Variants in NID2 observed in about 807,000 individuals in gnomAD.
NID2 encodes the protein nidogen-2.
A neutral mutation model predicts 145.4 loss-of-function variants in NID2; 83 were observed. The ratio of observed to expected loss-of-function variants is 0.57; its 90% CI spans 0.48 to 0.69. The LOEUF (loss-of-function observed/expected upper bound fraction) is 0.69. Among genes scored for constraint, NID2 ranks in the 30% least tolerant of loss-of-function variants. NID2 has a pLI of 0.00. For missense variants in NID2, 1,807 were observed against 1,765.7 expected, an observed-to-expected ratio of 1.02 and a Z score of -0.42; for synonymous variants, 739 against 701.3, an observed-to-expected ratio of 1.05 and a Z score of -0.85.
rs1051359809 is a variant in NID2 at position 52,068,658 on chromosome 14, G to A, written c.228+109C>T. The A allele has an allele frequency of 1.1e-4, 104 of 961,584 alleles. No homozygotes were observed. The African/African-American group carries it at 1.6e-3, about 15-fold the overall frequency. 59.6% of individuals were successfully genotyped at this position (961,584 alleles called of 1,614,324 possible). On this transcript the variant is annotated intron_variant, in intron 1 of 21. Transcript: ENST00000216286. ...CCGGGTACCACCGCAAGGGTGCTGG[G>A]GGGCTCCAGGAGTGGGGTCTGTTTC...
chr14:52,053,779 G>T lies in NID2; in HGVS notation c.1229C>A (p.Thr410Asn). 1 of 1,614,204 alleles carries T rather than the reference G, an allele frequency of 6.2e-7. No homozygotes were observed. The highest frequency in any genetic ancestry group is 8.5e-7 in the Non-Finnish European group (1 of 1,180,036). Reference protein sequence around the residue: ...DRDSLAPSWETPPPYPENGSI... With the variant: ...DRDSLAPSWENPPPYPENGSI... ...TCCGTTTTCGGGGTACGGTGGTGGG[G>T]TTTCCCAGGAAGGAGCCAGTGAATC... The change falls in exon 5 of 22, where the codon ACC becomes AAC. Residue 410 changes from threonine to asparagine, a missense_variant. Coordinates refer to ENST00000216286, the MANE Select transcript of NID2 (RefSeq NM_007361.4).
intron 17 of NID2, 82 bp from the exon 18 acceptor site, chr14:52,011,129 AG>A (rs892557440): frequency 6.5e-5 from 91 of 1,399,714 alleles, no homozygotes; most frequent in African/African-American, 4.1e-4. Context: ...TCGGGTGGGC[AG>A]GGGGGTCAGC....
chr14:52,018,663 G>A (rs1473249081), intron 14 of NID2, among the ~76,000 whole-genome samples: 1 of 152,248 alleles, frequency 6.6e-6, no homozygotes, highest in East Asian at 1.9e-4. Flanking sequence ...AGAAGGCAGA[G>A]GTAAGTGAGA....
chr14:52,030,644 AAAAGAGAAAG>A (rs1891823889), intron 9 of NID2, among the ~76,000 whole-genome samples: 1 of 142,536 alleles, frequency 7.0e-6, no homozygotes. Flanking sequence ...AAGAGAAAGA[AAAAGAGAAAG>A]AAAGAAAGAA....
chr14:52,011,517 T>G (rs200662256), intron 17 of NID2, 37 bp downstream of exon 17: 1 of 1,612,400 alleles, frequency 6.2e-7, no homozygotes, highest in Non-Finnish European at 8.5e-7. Flanking sequence ...CTTTGTAGAA[T>G]CAAATGAAAT....
intron 20 of NID2, 93 bp from the exon 21 acceptor site, chr14:52,005,942 A>C: frequency 1.1e-6 from 1 of 901,946 alleles, no homozygotes; most frequent in Non-Finnish European, 1.8e-6. Context: ...ATAGAGGAAA[A>C]TTTCTGGCAG....
chr14:52,067,888 C>T lies in NID2; in HGVS notation c.504G>A (p.Glu168=). Residue 168 remains glutamate (E), a synonymous_variant, in exon 2 of 22, where the codon GAG becomes GAA. Transcript: ENST00000216286. ...ATWEQVGAYE[E]VKRGALPSGE... is the part of the protein sequence containing the mutation. ...CCGAGGGCAGCGCCCCGCGCTTGAC[C>T]TCCTCGTAAGCGCCTACCTGCTCCC... The T allele has an allele frequency of 6.2e-7, 1 of 1,612,662 alleles. No homozygotes were observed. Among genetic ancestry groups the T allele is most frequent in the Non-Finnish European group, 8.5e-7 (1 of 1,179,962 alleles).
intron 9 of NID2, among the ~76,000 whole-genome samples, chr14:52,035,856 GTATATATA>G (rs60735637): frequency 3.4e-4 from 22 of 65,284 alleles, no homozygotes; most frequent in Non-Finnish European, 5.2e-4. Flanking sequence ...ATTTTTTTGT[GTATATATA>G]TATATATATA....
chr14:52,011,691 C>T lies in NID2; in HGVS notation c.3421-8G>A. 2 of 1,614,020 alleles carry T rather than the reference C, an allele frequency of 1.2e-6. No homozygotes were observed. The highest frequency in any genetic ancestry group is 1.7e-6 in the Non-Finnish European group (2 of 1,179,972). On this transcript the variant is annotated splice_polypyrimidine_tract_variant and splice_region_variant and intron_variant, in intron 16 of 21. Transcript: ENST00000216286. The stretch of plus-strand genomic sequence containing the variant: ...TCCCACGATTATGGAGCCCTTTGTG[C>T]ATCAAATCATAGAATTAGAAGAATT...
intron 9 of NID2, among the ~76,000 whole-genome samples, chr14:52,038,226 G>A (rs1892144282): frequency 6.6e-6 from 1 of 152,188 alleles, no homozygotes; most frequent in African/African-American, 2.4e-5. Flanking sequence ...AATGTTCTGG[G>A]AATCATGGAG....
rs1210688555 is a variant in NID2, at chr14:52,015,094, C to T, written c.3210G>A (p.Glu1070=). ...CTGGCTGGGAGCGGGTGCCCTGCACCTCTCTGCCATCTTTGTCCACACACC... is the reference window on the plus strand; with the variant it reads ...CTGGCTGGGAGCGGGTGCCCTGCACTTCTCTGCCATCTTTGTCCACACACC... ...FCWCVDKDGR[E]VQGTRSQPGT... is the part of the protein sequence containing the mutation. Residue 1070 remains glutamate (E), a synonymous_variant, in exon 15 of 22, where the codon GAG becomes GAA. Coordinates refer to ENST00000216286, the MANE Select transcript of NID2 (RefSeq NM_007361.4). The T allele has an allele frequency of 1.2e-6, 2 of 1,614,014 alleles. No individual in the cohort carries two copies. The highest frequency in any genetic ancestry group is 1.7e-6 in the Non-Finnish European group (2 of 1,180,014).
At chr14:52,062,472 A>T (rs751113922) in intron 2 of NID2, among the ~76,000 whole-genome samples, 4 of 152,222 alleles carry the variant, frequency 2.6e-5, no homozygotes, top group Admixed American at 6.5e-5. Context: ...TATCCATAAG[A>T]TAGTCGACAT....
chr14:52,059,212 A>G (rs1281602189), intron 3 of NID2, among the ~76,000 whole-genome samples: 2 of 152,332 alleles, frequency 1.3e-5, no homozygotes, highest in Middle Eastern at 3.4e-3. Context: ...GGCAAGTAGT[A>G]AGTTTTCAAT....
At chr14:52,039,612 C>T (rs1365122124) in intron 8 of NID2, among the ~76,000 whole-genome samples, 4 of 152,142 alleles carry the variant, frequency 2.6e-5, no homozygotes, top group Non-Finnish European at 5.9e-5. Flanking sequence ...ACATCTCCTG[C>T]CAGGCTGCCA....
intron 12 of NID2, 135 bp downstream of exon 12, chr14:52,027,066 T>C (rs1025024822): frequency 2.9e-5 from 26 of 889,022 alleles, no homozygotes; most frequent in Non-Finnish European, 3.9e-5. Context: ...GACGCTTTTT[T>C]CTCACTATTT....
intron 9 of NID2, among the ~76,000 whole-genome samples, chr14:52,031,858 T>C (rs937958363): frequency 2.0e-5 from 3 of 152,234 alleles, no homozygotes; most frequent in Admixed American, 1.3e-4. Context: ...ACCCTGTTGT[T>C]CTCCATTGTA....
In NID2 at chr14:52,042,399, A is replaced by G. The variant is rs373678770; in HGVS notation, c.1580-49T>C. The G allele has an allele frequency of 4.3e-4, 675 of 1,563,250 alleles. 6 individuals carry two copies. In the Middle Eastern group the frequency reaches 5.8e-3, roughly 13 times the overall value. The stretch of plus-strand genomic sequence containing the variant: ...GGCTTGGACGTCATCCTGGCTAGAG[A>G]TGGGTGTACCCAGGTATAATTATTC... On this transcript the variant is annotated intron_variant, in intron 6 of 21. Coordinates refer to ENST00000216286, the MANE Select transcript of NID2 (RefSeq NM_007361.4).
intron 7 of NID2, among the ~76,000 whole-genome samples, chr14:52,041,097 GA>G (rs1892264470): frequency 6.6e-6 from 1 of 152,084 alleles, no homozygotes; most frequent in South Asian, 2.1e-4. Flanking sequence ...TATTCTGTGA[GA>G]AATACTCTTG....
intron 16 of NID2, among the ~76,000 whole-genome samples, chr14:52,012,769 G>A (rs1183663459): frequency 1.3e-5 from 2 of 152,110 alleles, no homozygotes; most frequent in East Asian, 1.9e-4. Context: ...TCAACTCCAT[G>A]CAGAACTTGC....
Sources: gnomAD v4.1 joint callset for allele counts (sites outside exome capture counted in the v4.1 genomes callset) on GRCh38, gnomAD v4.1.1 for gene constraint, MANE v1.5 for transcripts, NCBI Gene and HGNC (gene_info 2026-07-23, HGNC 2026-07-21) for gene names.